ALKBH4: variants seen among roughly 807,000 people sequenced by gnomAD.
ALKBH4 encodes the protein alpha-ketoglutarate-dependent dioxygenase alkB homolog 4.
Under a neutral mutation model 12.1 loss-of-function variants are expected in ALKBH4, and 8 were observed. The observed-to-expected ratio is 0.66, with a 90% CI of 0.39 to 1.19. The LOEUF (loss-of-function observed/expected upper bound fraction) is 1.19, where lower values mean the gene tolerates loss of function less well. ALKBH4 is among the 50% of genes most tolerant of loss of function. ALKBH4 has a pLI of 0.01. For synonymous variants in ALKBH4, 195 were observed against 191.6 expected, an observed-to-expected ratio of 1.02 and a Z score of -0.15; for missense variants, 403 against 430.4, an observed-to-expected ratio of 0.94 and a Z score of 0.56.
rs577366082 is a variant in ALKBH4, at chr7:102,457,883, G to A, written c.420C>T (p.Gly140=). ...SFSREVVRRM[G]LYPGLEGFRP... The stretch of plus-strand genomic sequence containing the variant: ...GGAAGCCCTCCAGCCCCGGGTAGAG[G>A]CCCATCCTCCGCACCACCTCCCGGC... Residue 140 remains glycine, a synonymous_variant, in exon 3 of 3, where the codon GGC becomes GGT. Coordinates refer to ENST00000292566, the MANE Select transcript of ALKBH4 (RefSeq NM_017621.4). The surrounding 1 kb of genome is among the most constrained non-coding windows in gnomAD (Gnocchi z 5.9). 5 of 1,612,840 alleles carry A rather than the reference G, an allele frequency of 3.1e-6. No homozygotes were observed. In the East Asian group the frequency reaches 1.1e-4, roughly 36 times the overall value.
chr7:102,459,878 G>A, intron 1 of ALKBH4, 77 bp from the exon 2 acceptor site: 2 of 1,382,210 alleles, frequency 1.4e-6, no homozygotes, highest in South Asian at 1.4e-5. Flanking sequence ...AACAGGCCAG[G>A]TGCGGTGGCT....
At chr7:102,458,472 G>T (rs1160084664) in intron 2 of ALKBH4, among the ~76,000 whole-genome samples, 1 of 152,190 alleles carries the variant, frequency 6.6e-6, no homozygotes, top group African/African-American at 2.4e-5. Flanking sequence ...AGGAGGCTGA[G>T]GTGAGAGGAC....
At chr7:102,464,376 T>C (rs938723883) in intron 1 of ALKBH4, among the ~76,000 whole-genome samples, 2 of 152,060 alleles carry the variant, frequency 1.3e-5, no homozygotes, top group African/African-American at 2.4e-5. Flanking sequence ...TCAGGCACCG[T>C]TGGACTGGTA....
At chr7:102,462,440 T>A (rs1797818858) in intron 1 of ALKBH4, among the ~76,000 whole-genome samples, 1 of 152,106 alleles carries the variant, frequency 6.6e-6, no homozygotes, top group South Asian at 2.1e-4. Context: ...CGCTCACAGC[T>A]CACTGCAGCC....
rs926571574 is a variant in ALKBH4 at position 102,459,862 on chromosome 7, A to C, written c.124-61T>G. 1.9e-5 allele frequency: 28 copies of C among 1,487,714 alleles called. No individual in the cohort carries two copies. In the Middle Eastern group the frequency reaches 7.6e-4, roughly 40 times the overall value. The allele number at this position is 1,487,714 out of a possible 1,614,324, so 92.2% of individuals were successfully genotyped here. A position where few individuals can be genotyped will look rare whatever the true frequency, so the allele number is the denominator to read the frequency against. ...ACAGCGAGACCCGGTCCCTACGAAA[A>C]GTTAAAACAGGCCAGGTGCGGTGGC... is the stretch of plus-strand genomic sequence containing the variant. On this transcript the variant is annotated intron_variant, in intron 1 of 2. Coordinates refer to ENST00000292566, the MANE Select transcript of ALKBH4 (RefSeq NM_017621.4).
chr7:102,459,606 G>T lies in ALKBH4; in HGVS notation c.319C>A (p.Gln107Lys). The change falls in exon 2 of 3, where the codon CAG (glutamine) becomes AAG (lysine). Residue 107 changes from glutamine to lysine, a missense_variant and splice_region_variant. Gln to Lys is a moderately conservative substitution (Grantham distance 53, BLOSUM62 1). Transcript: ENST00000292566. Reference sequence around the variant, plus strand: ...CCATGAGCTCAGGGCCGGTCTACCTGCTTCCTCCGTCCAGACTGGGAGAGC... The same window carrying T: ...CCATGAGCTCAGGGCCGGTCTACCTTCTTCCTCCGTCCAGACTGGGAGAGC... Reference protein sequence around the residue: ...WKLSQSGRRKQDYGPKVNFRK... With the variant: ...WKLSQSGRRKKDYGPKVNFRK... The T allele has an allele frequency of 1.2e-6, 2 of 1,612,412 alleles. No individual in the cohort carries two copies. Among genetic ancestry groups the T allele is most frequent in the Non-Finnish European group, 1.7e-6 (2 of 1,179,068 alleles).
chr7:102,460,196 G>A (rs989335300), intron 1 of ALKBH4, among the ~76,000 whole-genome samples: 5 of 151,434 alleles, frequency 3.3e-5, no homozygotes, highest in African/African-American at 7.3e-5. Context: ...GTGGCAGAGC[G>A]CACTTGTCAT....
intron 2 of ALKBH4, among the ~76,000 whole-genome samples, chr7:102,458,736 C>CAAAA: frequency 7.7e-6 from 1 of 129,174 alleles, no homozygotes; most frequent in East Asian, 2.3e-4. Flanking sequence ...GACCCTGTCT[C>CAAAA]AAAAAAAAAA....
intron 2 of ALKBH4, 132 bp from the exon 3 acceptor site, chr7:102,458,113 G>A: frequency 1.2e-6 from 1 of 859,186 alleles, no homozygotes; most frequent in South Asian, 1.8e-5. Context: ...AGGTGAAGCA[G>A]GAGGAGGCAG....
rs1797697769 is a variant in ALKBH4 at position 102,457,935 on chromosome 7, T to C, written c.368A>G (p.Glu123Gly). 1 of 1,612,888 alleles carries C rather than the reference T, an allele frequency of 6.2e-7. No homozygotes were observed. The highest frequency in any genetic ancestry group is 1.1e-5 in the South Asian group (1 of 91,042). Residue 123 changes from glutamate to glycine, a missense_variant, in exon 3 of 3, where the codon GAG (glutamate) becomes GGG (glycine). Glu to Gly is a moderately conservative substitution (Grantham distance 98). Coordinates refer to ENST00000292566, the MANE Select transcript of ALKBH4 (RefSeq NM_017621.4). The surrounding 1 kb of genome is among the most constrained non-coding windows in gnomAD (Gnocchi z 5.9). ...VNFRKQKLKT[E>G]GFCGLPSFSR... The stretch of plus-strand genomic sequence containing the variant: ...GAAGCTGGGGAGGCCGCAGAAGCCC[T>C]CGGTCTTTAGCTTCTGTTTCCGAAA...
Position 102,456,715 on chromosome 7 carries a change from T to C in ALKBH4, c.*679A>G, listed in dbSNP as rs1797658875. 1 of 152,140 alleles carries C rather than the reference T, an allele frequency of 6.6e-6. No homozygotes were observed. The highest frequency in any genetic ancestry group is 1.5e-5 in the Non-Finnish European group (1 of 68,030). The allele number at this position is 152,140 out of a possible 1,614,324, so 9.4% of individuals were successfully genotyped here. ...AGCTCTTTAGTCTAAACTTCAAATC[T>C]TCAACCCTGTTCCCTAATCCAACAC... On this transcript the variant is annotated 3_prime_UTR_variant, in exon 3 of 3. Coordinates refer to ENST00000292566, the MANE Select transcript of ALKBH4 (RefSeq NM_017621.4).
intron 1 of ALKBH4, among the ~76,000 whole-genome samples, chr7:102,462,259 G>C (rs753447640): frequency 2.6e-5 from 4 of 152,342 alleles, no homozygotes; most frequent in African/African-American, 4.8e-5. Flanking sequence ...AACTGCCCCA[G>C]TGCCCTGAGA....
At position 102,457,259 on chromosome 7, in the gene ALKBH4, TGG is replaced by T; in HGVS notation, c.*133_*134del. On this transcript the variant is annotated 3_prime_UTR_variant, in exon 3 of 3. Coordinates refer to ENST00000292566, the MANE Select transcript of ALKBH4 (RefSeq NM_017621.4). This position sits in a 1 kb window ranked among gnomAD's most constrained non-coding sequence, Gnocchi z 5.9. ...GTACGTTCCCATCAAAACCTGCTCC[TGG>T]GCAGGGCTCACACTGCTCACAGCAT... 1 of 1,046,784 alleles carries T rather than the reference TGG, an allele frequency of 9.6e-7. No homozygotes were observed. The highest frequency in any genetic ancestry group is 1.4e-6 in the Non-Finnish European group (1 of 729,424). 64.8% of individuals were successfully genotyped at this position (1,046,784 alleles called of 1,614,324 possible). A position where few individuals can be genotyped will look rare whatever the true frequency, so the allele number is the denominator to read the frequency against.
Position 102,457,163 on chromosome 7 carries a change from C to T in ALKBH4, c.*231G>A, listed in dbSNP as rs1331903153. 2 of 531,270 alleles carry T rather than the reference C, an allele frequency of 3.8e-6. No homozygotes were observed. Among genetic ancestry groups the T allele is most frequent in the African/African-American group, 1.9e-5 (1 of 52,312 alleles). 32.9% of individuals were successfully genotyped at this position (531,270 alleles called of 1,614,324 possible). A position where few individuals can be genotyped will look rare whatever the true frequency, so the allele number is the denominator to read the frequency against. On this transcript the variant is annotated 3_prime_UTR_variant, in exon 3 of 3. Coordinates refer to ENST00000292566, the MANE Select transcript of ALKBH4 (RefSeq NM_017621.4). The surrounding 1 kb of genome is among the most constrained non-coding windows in gnomAD (Gnocchi z 5.9). ...TTTTAAGCTCAAATGATCCCATGTC[C>T]CCAAGACTGTGACAAACTAAATAAC...
chr7:102,458,122 A>C (rs1309835302), intron 2 of ALKBH4, 141 bp from the exon 3 acceptor site: 10 of 776,020 alleles, frequency 1.3e-5, no homozygotes, highest in Non-Finnish European at 1.8e-5. Context: ...AGGAGGAGGC[A>C]GACTCAAGGA....
chr7:102,464,044 C>CA (rs1012002485), intron 1 of ALKBH4, among the ~76,000 whole-genome samples: 2 of 151,962 alleles, frequency 1.3e-5, no homozygotes, highest in South Asian at 2.1e-4. Context: ...GACCTCCCCC[C>CA]CCCCACAACC....
At chr7:102,458,095 C>T (rs1208431118) in intron 2 of ALKBH4, 114 bp from the exon 3 acceptor site, 1 of 1,076,216 alleles carries the variant, frequency 9.3e-7, no homozygotes, top group Admixed American at 2.8e-5. Flanking sequence ...AGCCCCCTGG[C>T]TTCATGGAGG....
Position 102,457,454 on chromosome 7 carries a change from C to T in ALKBH4, c.849G>A (p.Gln283=), listed in dbSNP as rs147434463. 1.2e-5 allele frequency: 20 copies of T among 1,613,404 alleles called. No homozygotes were observed. The African/African-American group carries it at 2.7e-4, about 22-fold the overall frequency. The stretch of plus-strand genomic sequence containing the variant: ...GCAGCAGTTCCTGGCCCAGCTCTTG[C>T]TGCCTCCCTCCAGGGCCAAACTCAG... ...LSAEFGPGGR[Q]QELGQELLRI... Residue 283 remains glutamine (Q), a synonymous_variant, in exon 3 of 3, where the codon CAG becomes CAA. Coordinates refer to ENST00000292566, the MANE Select transcript of ALKBH4 (RefSeq NM_017621.4). This position sits in a 1 kb window ranked among gnomAD's most constrained non-coding sequence, Gnocchi z 5.9.
rs548994210 is a variant in ALKBH4 at position 102,457,720 on chromosome 7, G to A, written c.583C>T (p.Arg195Trp). The A allele has an allele frequency of 1.2e-5, 18 of 1,561,382 alleles. No homozygotes were observed. The highest frequency in any genetic ancestry group is 1.7e-4 in the Middle Eastern group (1 of 5,946). ...LLSPTVLSMC[R>W]EAPGSLLLCS... Reference sequence around the variant, plus strand: ...AGGAGCAGGCTCCCGGGCGCCTCCCGACACATGGACAGCACGGTGGGGGAC... The same window carrying A: ...AGGAGCAGGCTCCCGGGCGCCTCCCAACACATGGACAGCACGGTGGGGGAC... Residue 195 changes from arginine (R) to tryptophan (W), a missense_variant, in exon 3 of 3, where the codon CGG becomes TGG. Arg to Trp is a moderately radical substitution (Grantham distance 101, BLOSUM62 -3). Coordinates refer to ENST00000292566, the MANE Select transcript of ALKBH4 (RefSeq NM_017621.4). The surrounding 1 kb of genome is among the most constrained non-coding windows in gnomAD (Gnocchi z 5.9).
Sources: allele counts gnomAD v4.1 joint callset (sites outside exome capture counted in the v4.1 genomes callset), GRCh38; gene constraint gnomAD v4.1.1; non-coding constraint Gnocchi (gnomAD v3.1); transcripts MANE v1.5; gene names NCBI Gene and HGNC (gene_info 2026-07-23, HGNC 2026-07-21).